Variants in TSPAN7 observed in about 807,000 individuals in gnomAD.
TSPAN7 encodes tetraspanin 7, also known as tetraspanin-7.
A neutral mutation model predicts 17.6 loss-of-function variants in TSPAN7; 1 was observed. That is an observed-to-expected ratio of 0.06 (90% CI 0.02 to 0.27). TSPAN7 has a LOEUF of 0.27. Ranked by LOEUF, TSPAN7 falls within the 10% of genes least tolerant of loss-of-function variation. The pLI, the probability that TSPAN7 is intolerant of heterozygous loss-of-function variation, is 1.00. For synonymous variants in TSPAN7, 78 were observed against 79.0 expected (o/e 0.99, Z 0.07); for missense variants, 112 against 201.7 (o/e 0.56, Z 2.69).
intron 1 of TSPAN7, among the ~76,000 whole-genome samples, chrX:38,640,821 G>A (rs2069607835): frequency 8.9e-6 from 1 of 112,256 alleles, no homozygotes; most frequent in Admixed American, 9.4e-5. Context: ...CATTAAGTAG[G>A]AGACATCTTC....
chrX:38,584,998 G>A (rs1004550632), intron 1 of TSPAN7, among the ~76,000 whole-genome samples: 6 of 111,802 alleles, frequency 5.4e-5, no homozygotes, highest in Middle Eastern at 4.6e-3. Flanking sequence ...TTCACTTAAC[G>A]TTGTTTGAGA....
rs747847128 is a variant in TSPAN7, at chrX:38,590,625, G to A, written c.81+28998G>A. Reference sequence around the variant, plus strand: ...ATATAGATCAATTCAGGTTGTCTGGGGTTTTTTGAGGGAGCTGTGGTAGTT... The same window carrying A: ...ATATAGATCAATTCAGGTTGTCTGGAGTTTTTTGAGGGAGCTGTGGTAGTT... On this transcript the variant is annotated intron_variant, in intron 1 of 7. Coordinates refer to ENST00000378482, the MANE Select transcript of TSPAN7 (RefSeq NM_004615.4). Among the ~76,000 whole-genome samples the A allele has an allele frequency of 7.2e-5, 8 of 111,182 alleles. No homozygotes were observed. In the South Asian group the frequency reaches 3.0e-3, roughly 42 times the overall value.
At chrX:38,646,227 T>C in intron 1 of TSPAN7, 2 of 1,131,124 alleles carry the variant, frequency 1.8e-6, no homozygotes, top group South Asian at 4.0e-5. Context: ...ATAGAGCTTT[T>C]CTATAATATC....
chrX:38,610,227 C>A (rs2069410930), intron 1 of TSPAN7, among the ~76,000 whole-genome samples: 1 of 111,531 alleles, frequency 9.0e-6, no homozygotes, highest in African/African-American at 3.3e-5. Context: ...TAACCCATTT[C>A]ACAGATAAGG....
Position 38,687,602 on chromosome X carries a change from A to T in TSPAN7, c.685A>T (p.Ile229Phe), listed in dbSNP as rs931903625. The change falls in exon 7 of 8, where the codon ATT becomes TTT. Residue 229 changes from isoleucine to phenylalanine, a missense_variant. Ile to Phe is a conservative substitution (Grantham distance 21). Coordinates refer to ENST00000378482, the MANE Select transcript of TSPAN7 (RefSeq NM_004615.4). ...VAFGIAFSQL[I>F]GMLLACCLSR... The stretch of plus-strand genomic sequence containing the variant: ...TCGTTTTTCTCCCTGGCAACAGTTA[A>T]TTGGCATGCTGCTGGCCTGCTGTCT... 3.3e-6 allele frequency: 4 copies of T among 1,210,993 alleles called. No individual in the cohort carries two copies. The highest frequency in any genetic ancestry group is 4.5e-6 in the Non-Finnish European group (4 of 895,137).
chrX:38,626,932 G>A (rs1007034011), intron 1 of TSPAN7, among the ~76,000 whole-genome samples: 3 of 111,174 alleles, frequency 2.7e-5, no homozygotes, highest in Non-Finnish European at 5.7e-5. Flanking sequence ...GGGTAATTTG[G>A]CTCTGCTTCG....
chrX:38,599,212 G>A (rs952794413), intron 1 of TSPAN7, among the ~76,000 whole-genome samples: 1 of 111,066 alleles, frequency 9.0e-6, no homozygotes, highest in South Asian at 3.8e-4. Flanking sequence ...ATAGGGAGAT[G>A]TAAGTTATTA....
intron 1 of TSPAN7, among the ~76,000 whole-genome samples, chrX:38,643,803 C>T (rs950150988): frequency 8.1e-5 from 9 of 111,186 alleles, no homozygotes; most frequent in Non-Finnish European, 1.7e-4. Flanking sequence ...CGAGATCGCG[C>T]CACTGCACTC....
At chrX:38,620,172 C>G (rs781161842) in intron 1 of TSPAN7, among the ~76,000 whole-genome samples, 2 of 111,827 alleles carry the variant, frequency 1.8e-5, no homozygotes, top group Non-Finnish European at 3.8e-5. Context: ...TCTACAAGTA[C>G]ACAGTTCTGA....
At chrX:38,577,828 G>A (rs1181850420) in intron 1 of TSPAN7, among the ~76,000 whole-genome samples, 4 of 109,662 alleles carry the variant, frequency 3.6e-5, no homozygotes, top group African/African-American at 6.7e-5. Flanking sequence ...AAAAAGAGAC[G>A]TGGTTGGTGT....
intron 2 of TSPAN7, among the ~76,000 whole-genome samples, chrX:38,668,935 T>A (rs780778108): frequency 7.8e-4 from 71 of 91,089 alleles, no homozygotes; most frequent in Middle Eastern, 1.0e-2. Context: ...CATCAGCATT[T>A]ATTTTTTTTT....
chrX:38,611,977 A>G (rs1407278092), intron 1 of TSPAN7, among the ~76,000 whole-genome samples: 1 of 111,004 alleles, frequency 9.0e-6, no homozygotes, highest in African/African-American at 3.3e-5. Context: ...TTATGTATGT[A>G]TCCCTAAACA....
intron 1 of TSPAN7, among the ~76,000 whole-genome samples, chrX:38,582,305 A>G (rs2069231936): frequency 8.9e-6 from 1 of 112,211 alleles, no homozygotes; most frequent in South Asian, 3.7e-4. Flanking sequence ...CAATGACAAT[A>G]ATTTATCATA....
intron 3 of TSPAN7, among the ~76,000 whole-genome samples, chrX:38,672,065 A>G (rs1050445461): frequency 9.1e-6 from 1 of 110,418 alleles, no homozygotes; most frequent in African/African-American, 3.3e-5. Context: ...TGTTTTTAAA[A>G]ATAGCTGCTT....
chrX:38,648,044 A>G (rs1226201016), intron 1 of TSPAN7, among the ~76,000 whole-genome samples: 2 of 111,979 alleles, frequency 1.8e-5, no homozygotes, highest in African/African-American at 6.5e-5. Context: ...ACTGTGGGAC[A>G]TGGGGCACTA....
chrX:38,599,795 A>T (rs1473966357), intron 1 of TSPAN7, among the ~76,000 whole-genome samples: 3 of 112,042 alleles, frequency 2.7e-5, no homozygotes, highest in Non-Finnish European at 3.8e-5. Flanking sequence ...GTTGCATATC[A>T]TAGAAAGAAA....
At chrX:38,635,836 C>A (rs961662155) in intron 1 of TSPAN7, among the ~76,000 whole-genome samples, 1 of 111,256 alleles carries the variant, frequency 9.0e-6, no homozygotes, top group Admixed American at 9.5e-5. Context: ...ACCCCAAAGC[C>A]CATTTTCTAA....
intron 1 of TSPAN7, among the ~76,000 whole-genome samples, chrX:38,620,692 C>T (rs1188377455): frequency 9.0e-6 from 1 of 111,694 alleles, no homozygotes; most frequent in African/African-American, 3.3e-5. Context: ...AAACCCAGTT[C>T]TGAAACCCAC....
chrX:38,646,354 A>G, intron 1 of TSPAN7: 2 of 1,107,084 alleles, frequency 1.8e-6, no homozygotes, highest in Non-Finnish European at 1.2e-6. Flanking sequence ...ACAAATATTA[A>G]TGTGTGTAGC....
Sources: allele counts gnomAD v4.1 joint callset (sites outside exome capture counted in the v4.1 genomes callset), GRCh38; gene constraint gnomAD v4.1.1; transcripts MANE v1.5; gene names NCBI Gene and HGNC (gene_info 2026-07-23, HGNC 2026-07-21).